The following LOC400499 variants were observed in gnomAD, a reference collection of about 807,000 sequenced individuals.
At chr16:11,454,037 G>C in the LOC400499 span, among the ~76,000 whole-genome samples, 1 of 152,106 alleles carries the variant, frequency 6.6e-6, no homozygotes, top group Non-Finnish European at 1.5e-5. Flanking sequence ...TCCATACCAA[G>C]GTACCTCATA....
At chr16:11,431,842 T>C in the LOC400499 span, among the ~76,000 whole-genome samples, 1 of 152,236 alleles carries the variant, frequency 6.6e-6, no homozygotes, top group Non-Finnish European at 1.5e-5. Flanking sequence ...GAGATCTATG[T>C]CCTCTCCCTT....
chr16:11,484,207 C>T, the LOC400499 span, among the ~76,000 whole-genome samples: 1 of 151,850 alleles, frequency 6.6e-6, no homozygotes, highest in South Asian at 2.1e-4. Flanking sequence ...CAGGGTTTCA[C>T]CATGTAAGCC....
the LOC400499 span, chr16:11,488,933 G>C: frequency 2.5e-6 from 1 of 398,236 alleles, no homozygotes; most frequent in East Asian, 3.6e-5. Flanking sequence ...GCGCTGTCCA[G>C]AGAAAAGACC....
chr16:11,378,989 T>A, the LOC400499 span, among the ~76,000 whole-genome samples: 1 of 152,210 alleles, frequency 6.6e-6, no homozygotes, highest in African/African-American at 2.4e-5. Context: ...TTGGGCCGGG[T>A]GCAGTGGCTC....
the LOC400499 span, chr16:11,385,527 C>T: frequency 1.4e-6 from 1 of 696,048 alleles, no homozygotes; most frequent in Non-Finnish European, 2.0e-6. Flanking sequence ...GCTTAGCCTG[C>T]CCTGAGGCCT....
the LOC400499 span, chr16:11,494,747 G>T: frequency 5.0e-6 from 2 of 399,222 alleles, no homozygotes; most frequent in East Asian, 3.6e-5. Flanking sequence ...GGCCCTCGGG[G>T]TCTGGAGCAG....
chr16:11,393,699 C>A, the LOC400499 span: 3 of 614,240 alleles, frequency 4.9e-6, no homozygotes. Flanking sequence ...AGGCACAATG[C>A]CCACGCCCGA....
the LOC400499 span, among the ~76,000 whole-genome samples, chr16:11,509,810 G>A: frequency 1.3e-4 from 20 of 152,110 alleles, no homozygotes; most frequent in East Asian, 3.9e-4. Flanking sequence ...CAGCCTGGGT[G>A]ACAAGAGTGA....
the LOC400499 span, among the ~76,000 whole-genome samples, chr16:11,486,320 G>A: frequency 3.0e-5 from 4 of 134,410 alleles, no homozygotes; most frequent in Non-Finnish European, 6.2e-5. Flanking sequence ...GTAGACAGAT[G>A]ATGGGTGGGT....
At chr16:11,409,452 G>C in the LOC400499 span, among the ~76,000 whole-genome samples, 5 of 152,234 alleles carry the variant, frequency 3.3e-5, no homozygotes, top group African/African-American at 4.8e-5. Flanking sequence ...CTGCTTTTGT[G>C]TTACAGTGAC....
the LOC400499 span, among the ~76,000 whole-genome samples, chr16:11,436,724 A>G: frequency 6.6e-6 from 1 of 152,064 alleles, no homozygotes; most frequent in African/African-American, 2.4e-5. Flanking sequence ...AGTAGCTGGA[A>G]ATACAAGTGC....
the LOC400499 span, among the ~76,000 whole-genome samples, chr16:11,501,779 C>T: frequency 6.6e-6 from 1 of 152,094 alleles, no homozygotes; most frequent in Non-Finnish European, 1.5e-5. Flanking sequence ...AATGCTAATT[C>T]CAGCAAGAGG....
chr16:11,413,797 G>A, the LOC400499 span, among the ~76,000 whole-genome samples: 2 of 152,164 alleles, frequency 1.3e-5, no homozygotes, highest in Non-Finnish European at 2.9e-5. Context: ...GAACTCACTC[G>A]ATCCTCACAA....
At chr16:11,524,005 C>T in the LOC400499 span, among the ~76,000 whole-genome samples, 1 of 118,396 alleles carries the variant, frequency 8.4e-6, no homozygotes, top group African/African-American at 3.3e-5. Flanking sequence ...CCCCACACCC[C>T]TCCTATACAC....
At chr16:11,473,417 T>C in the LOC400499 span, among the ~76,000 whole-genome samples, 6 of 152,066 alleles carry the variant, frequency 3.9e-5, no homozygotes, top group African/African-American at 1.2e-4. Flanking sequence ...TTTTACCCAG[T>C]TGAGATCATA....
the LOC400499 span, among the ~76,000 whole-genome samples, chr16:11,427,313 A>T: frequency 7.2e-6 from 1 of 139,592 alleles, no homozygotes; most frequent in African/African-American, 2.7e-5. Flanking sequence ...GCGCCATTGC[A>T]CTCCAGCCTG....
chr16:11,512,570 C>T, the LOC400499 span, among the ~76,000 whole-genome samples: 1 of 152,184 alleles, frequency 6.6e-6, no homozygotes, highest in African/African-American at 2.4e-5. Context: ...CACTGGACTC[C>T]AGCCTGGGCG....
the LOC400499 span, among the ~76,000 whole-genome samples, chr16:11,499,593 G>A: frequency 6.6e-6 from 1 of 152,076 alleles, no homozygotes; most frequent in Admixed American, 6.5e-5. Flanking sequence ...GCGGTCAGGG[G>A]CCAGAAGGCA....
At chr16:11,497,532 G>A in the LOC400499 span, among the ~76,000 whole-genome samples, 16 of 152,196 alleles carry the variant, frequency 1.1e-4, no homozygotes, top group South Asian at 4.1e-4. Flanking sequence ...GGGCAGGCTC[G>A]GGCCTGTCCC....
Sources: gnomAD v4.1 joint callset for allele counts (sites outside exome capture counted in the v4.1 genomes callset) on GRCh38, gnomAD v4.1.1 for gene constraint, MANE v1.5 for transcripts.